The following USP24 variants were observed in gnomAD, a reference collection of about 807,000 sequenced individuals.
USP24 encodes ubiquitin specific peptidase 24.
In USP24, 97 loss-of-function variants were observed where a neutral mutation model predicts 361.6. That is an observed-to-expected ratio of 0.27 (90% CI 0.23 to 0.32). The LOEUF is 0.32. Ranked by LOEUF, USP24 falls within the 10% of genes least tolerant of loss-of-function variation. The pLI is 1.00. For synonymous variants in USP24, 1,098 were observed against 1,124.6 expected, an observed-to-expected ratio of 0.98 and a Z score of 0.47; for missense variants, 2,353 against 3,165.6, an observed-to-expected ratio of 0.74 and a Z score of 6.16.
chr1:55,131,905 C>CCTAT (rs1348536936), intron 31 of USP24, among the ~76,000 whole-genome samples: 1 of 152,136 alleles, frequency 6.6e-6, no homozygotes, highest in East Asian at 1.9e-4. Flanking sequence ...GAGGGTCTGA[C>CCTAT]CTATTACTCT....
At chr1:55,190,500 T>C (rs1229280971) in intron 1 of USP24, among the ~76,000 whole-genome samples, 1 of 152,236 alleles carries the variant, frequency 6.6e-6, no homozygotes, top group Non-Finnish European at 1.5e-5. Flanking sequence ...AGTATCGTTC[T>C]ATTGCAAAAT....
chr1:55,161,052 A>G (rs1648222931), intron 8 of USP24, among the ~76,000 whole-genome samples: 1 of 152,146 alleles, frequency 6.6e-6, no homozygotes. Flanking sequence ...TTACCTTGAC[A>G]TCTAAAGAAA....
At chr1:55,169,505 C>G (rs1194163719) in intron 5 of USP24, among the ~76,000 whole-genome samples, 1 of 152,030 alleles carries the variant, frequency 6.6e-6, no homozygotes, top group Non-Finnish European at 1.5e-5. Flanking sequence ...AAAAAGAATA[C>G]CATGGTTAAT....
At chr1:55,070,617 G>A (rs1291220184) in intron 67 of USP24, among the ~76,000 whole-genome samples, 2 of 152,186 alleles carry the variant, frequency 1.3e-5, no homozygotes, top group Admixed American at 1.3e-4. Flanking sequence ...ATAAGAAAAT[G>A]GGGAAAGTTA....
chr1:55,214,216 C>G (rs983249023), intron 1 of USP24, among the ~76,000 whole-genome samples: 2 of 151,846 alleles, frequency 1.3e-5, no homozygotes, highest in African/African-American at 4.8e-5. Context: ...CCTTTCCGAC[C>G]CTTGGCTAAA....
intron 30 of USP24, among the ~76,000 whole-genome samples, chr1:55,132,921 G>A (rs1557610569): frequency 6.6e-6 from 1 of 152,096 alleles, no homozygotes; most frequent in Non-Finnish European, 1.5e-5. Context: ...CAAATACTAC[G>A]TGAATGCTTT....
chr1:55,144,087 G>A, intron 21 of USP24, 40 bp downstream of exon 21: 2 of 1,483,592 alleles, frequency 1.3e-6, no homozygotes, highest in Non-Finnish European at 9.1e-7. Flanking sequence ...AGTTATACTA[G>A]ATTATCCAAA....
intron 1 of USP24, among the ~76,000 whole-genome samples, chr1:55,207,389 C>T (rs1377288255): frequency 6.6e-6 from 1 of 152,018 alleles, no homozygotes; most frequent in Non-Finnish European, 1.5e-5. Flanking sequence ...ACCAACAAGT[C>T]TTCCTTACAA....
intron 59 of USP24, 49 bp downstream of exon 59, chr1:55,081,273 A>G: frequency 6.4e-7 from 1 of 1,565,098 alleles, no homozygotes; most frequent in South Asian, 1.1e-5. Context: ...ATTACTCTCC[A>G]AGCTAGACAA....
At chr1:55,184,184 G>A (rs1326268188) in intron 1 of USP24, among the ~76,000 whole-genome samples, 1 of 151,974 alleles carries the variant, frequency 6.6e-6, no homozygotes, top group Non-Finnish European at 1.5e-5. Flanking sequence ...AGCCTCCCAA[G>A]TGGCTGAGAT....
chr1:55,187,221 AAAATGTAACACCATTCCATGATTTT>A (rs139574571), intron 1 of USP24, among the ~76,000 whole-genome samples: 4,077 of 152,324 alleles, frequency 0.027, 136 homozygotes, highest in African/African-American at 0.073. Context: ...AAAACTTCAC[AAAATGTAACACCATTCCATGATTTT>A]AAAACAACGA....
intron 48 of USP24, 49 bp from the exon 49 acceptor site, chr1:55,097,221 A>G: frequency 6.3e-7 from 1 of 1,583,704 alleles, no homozygotes; most frequent in East Asian, 2.2e-5. Flanking sequence ...TAACATATAC[A>G]GCAGTACCCA....
At chr1:55,106,344 G>T in intron 40 of USP24, 81 bp from the exon 41 acceptor site, 1 of 1,128,934 alleles carries the variant, frequency 8.9e-7, no homozygotes, top group Non-Finnish European at 1.3e-6. Context: ...TCTTATCAGA[G>T]CAGCAAAGGT....
chr1:55,142,908 C>G, intron 22 of USP24, 71 bp downstream of exon 22: 1 of 1,432,304 alleles, frequency 7.0e-7, no homozygotes, highest in Admixed American at 2.6e-5. Flanking sequence ...AGGATCACAG[C>G]TTATCACTAA....
chr1:55,119,935 A>C (rs1646230973), intron 38 of USP24, among the ~76,000 whole-genome samples: 1 of 152,188 alleles, frequency 6.6e-6, no homozygotes, highest in Non-Finnish European at 1.5e-5. Context: ...AAAGCACATA[A>C]ACAAGGAAAG....
chr1:55,133,979 G>T, intron 30 of USP24, 91 bp downstream of exon 30: 2 of 1,118,210 alleles, frequency 1.8e-6, no homozygotes, highest in Non-Finnish European at 2.6e-6. Flanking sequence ...GGGAAAGATG[G>T]TATCATATGA....
chr1:55,138,886 G>C, intron 25 of USP24, 58 bp downstream of exon 25: 1 of 1,549,514 alleles, frequency 6.5e-7, no homozygotes, highest in Non-Finnish European at 8.8e-7. Flanking sequence ...GCTGAGGTGG[G>C]AAGATCGCTT....
At chr1:55,090,263 A>G (rs1043633324) in intron 54 of USP24, among the ~76,000 whole-genome samples, 2 of 152,142 alleles carry the variant, frequency 1.3e-5, no homozygotes, top group Non-Finnish European at 2.9e-5. Context: ...ACATCCCCCA[A>G]TGTCCCAAAA....
rs777858506 is a variant in USP24 at position 55,086,017 on chromosome 1, A to G, written c.6690T>C (p.Asn2230=). The G allele has an allele frequency of 1.9e-6, 3 of 1,613,844 alleles. No homozygotes were observed. The highest frequency in any genetic ancestry group is 2.5e-6 in the Non-Finnish European group (3 of 1,179,860). ...ELIKIFLLEC[N]VREVRVAVAT... ...CCACAGCAACTCGTACTTCTCTCAC[A>G]TTGCACTCCAGTAAGAAAATCCTGA... Residue 2230 remains asparagine, a synonymous_variant, in exon 56 of 68, where the codon AAT becomes AAC. Transcript: ENST00000294383.
Sources: gnomAD v4.1 joint callset for allele counts (sites outside exome capture counted in the v4.1 genomes callset) on GRCh38, gnomAD v4.1.1 for gene constraint, MANE v1.5 for transcripts, NCBI Gene and HGNC (gene_info 2026-07-23, HGNC 2026-07-21) for gene names.